The following NRG1 variants were observed in gnomAD, a reference collection of about 807,000 sequenced individuals.
NRG1 encodes the protein pro-neuregulin-1, membrane-bound isoform.
A neutral mutation model predicts 63.8 loss-of-function variants in NRG1; 18 were observed. The ratio of observed to expected loss-of-function variants is 0.28; its 90% confidence interval spans 0.19 to 0.42. NRG1 has a LOEUF of 0.42. Ranked by LOEUF, NRG1 falls within the 10% of genes least tolerant of loss-of-function variation. The pLI is 1.00. For missense variants in NRG1, 762 were observed against 814.7 expected, an observed-to-expected ratio of 0.94 and a Z score of 0.79; for synonymous variants, 302 against 301.3, an observed-to-expected ratio of 1.00 and a Z score of -0.02.
intron 1 of NRG1, among the ~76,000 whole-genome samples, chr8:32,417,582 A>G (rs1383286106): frequency 1.3e-5 from 2 of 152,144 alleles, no homozygotes. Context: ...ATGTTCAAAG[A>G]TCTCATAGAA....
At chr8:31,814,462 G>A (rs888561002) in intron 1 of NRG1, among the ~76,000 whole-genome samples, 1 of 152,036 alleles carries the variant, frequency 6.6e-6, no homozygotes, top group Non-Finnish European at 1.5e-5. Flanking sequence ...GCTAAATTAG[G>A]TAATGCATGT....
intron 1 of NRG1, among the ~76,000 whole-genome samples, chr8:32,564,436 C>T (rs1034825011): frequency 1.2e-4 from 18 of 152,208 alleles, no homozygotes; most frequent in African/African-American, 4.1e-4. Context: ...TTAACACAGA[C>T]AAAACTTATA....
intron 1 of NRG1, among the ~76,000 whole-genome samples, chr8:32,119,358 C>T (rs1320244237): frequency 1.3e-5 from 2 of 152,046 alleles, no homozygotes; most frequent in Non-Finnish European, 2.9e-5. Context: ...AATTCCATAG[C>T]CTGGGTTCTT....
chr8:31,848,434 T>C (rs758899466), intron 1 of NRG1, among the ~76,000 whole-genome samples: 3 of 152,164 alleles, frequency 2.0e-5, no homozygotes, highest in Admixed American at 6.5e-5. Flanking sequence ...CAGGCTCCCA[T>C]TGGTGTGAAT....
chr8:31,879,260 C>T (rs1394163294), intron 1 of NRG1, among the ~76,000 whole-genome samples: 1 of 152,074 alleles, frequency 6.6e-6, no homozygotes, highest in Non-Finnish European at 1.5e-5. Context: ...GTCTTTATTC[C>T]AATGAAAGAT....
chr8:32,027,243 C>T (rs552483567), intron 1 of NRG1, among the ~76,000 whole-genome samples: 1 of 152,068 alleles, frequency 6.6e-6, no homozygotes, highest in East Asian at 1.9e-4. Context: ...GATAATTTTG[C>T]CAAACAATGA....
At chr8:31,872,689 C>T (rs929711493) in intron 1 of NRG1, among the ~76,000 whole-genome samples, 1 of 152,144 alleles carries the variant, frequency 6.6e-6, no homozygotes, top group Admixed American at 6.5e-5. Context: ...TTTATTCAGT[C>T]TTCTGAGATA....
intron 1 of NRG1, among the ~76,000 whole-genome samples, chr8:32,088,975 C>T (rs1828695754): frequency 6.6e-6 from 1 of 152,154 alleles, no homozygotes; most frequent in Non-Finnish European, 1.5e-5. Flanking sequence ...CACTGCCTCC[C>T]ACACATGGCC....
intron 1 of NRG1, among the ~76,000 whole-genome samples, chr8:31,776,754 G>A (rs899122735): frequency 2.0e-5 from 3 of 151,664 alleles, no homozygotes; most frequent in Non-Finnish European, 4.4e-5. Context: ...TGCTCTCATT[G>A]TTCAATTCCC....
At chr8:31,959,801 AT>A (rs1563619657) in intron 1 of NRG1, among the ~76,000 whole-genome samples, 1 of 109,476 alleles carries the variant, frequency 9.1e-6, no homozygotes, top group East Asian at 3.4e-4. Context: ...TTTATTATTT[AT>A]TTATTTATTT....
chr8:32,238,864 A>G (rs538578413), intron 1 of NRG1, among the ~76,000 whole-genome samples: 1 of 152,314 alleles, frequency 6.6e-6, no homozygotes, highest in Admixed American at 6.5e-5. Flanking sequence ...AGCCAAAAAC[A>G]GTGACCAGGC....
intron 1 of NRG1, among the ~76,000 whole-genome samples, chr8:32,393,775 G>C (rs1031315918): frequency 2.0e-5 from 3 of 152,094 alleles, no homozygotes. Flanking sequence ...AAAAATAACT[G>C]TTGGGTACTA....
At chr8:31,872,239 A>C (rs1230492437) in intron 1 of NRG1, among the ~76,000 whole-genome samples, 3 of 152,214 alleles carry the variant, frequency 2.0e-5, no homozygotes, top group Non-Finnish European at 4.4e-5. Flanking sequence ...ATTAGTTCAC[A>C]AGGTTTATTA....
At chr8:32,118,605 A>G (rs1213168976) in intron 1 of NRG1, among the ~76,000 whole-genome samples, 1 of 152,152 alleles carries the variant, frequency 6.6e-6, no homozygotes, top group African/African-American at 2.4e-5. Context: ...GGCATTTCCT[A>G]TGTGCGAGGA....
chr8:32,549,408 T>A (rs923120559), intron 1 of NRG1, among the ~76,000 whole-genome samples: 4 of 152,168 alleles, frequency 2.6e-5, no homozygotes, highest in African/African-American at 9.6e-5. Context: ...AGTCCTGTGC[T>A]ACGGAGACTC....
intron 2 of NRG1, among the ~76,000 whole-genome samples, chr8:32,597,399 A>G (rs1340100937): frequency 6.6e-6 from 1 of 152,094 alleles, no homozygotes; most frequent in African/African-American, 2.4e-5. Context: ...TTTATTAACT[A>G]CACGTTGACT....
chr8:32,291,359 C>T (rs1429617200), intron 1 of NRG1, among the ~76,000 whole-genome samples: 3 of 152,096 alleles, frequency 2.0e-5, no homozygotes, highest in Admixed American at 6.6e-5. Flanking sequence ...AAACCACTGA[C>T]CTGGAACCCT....
chr8:31,682,696 G>A (rs1277570839), intron 1 of NRG1, among the ~76,000 whole-genome samples: 1 of 151,966 alleles, frequency 6.6e-6, no homozygotes, highest in African/African-American at 2.4e-5. Context: ...ATACTGTCCA[G>A]CTATGGAAGC....
At chr8:32,449,719 T>G (rs371334536) in intron 1 of NRG1, among the ~76,000 whole-genome samples, 40 of 152,310 alleles carry the variant, frequency 2.6e-4, no homozygotes, top group African/African-American at 8.9e-4. Context: ...TTGGATATAC[T>G]GGTATTAAAA....
Sources: allele counts gnomAD v4.1 joint callset (sites outside exome capture counted in the v4.1 genomes callset), GRCh38; gene constraint gnomAD v4.1.1; transcripts MANE v1.5; gene names NCBI Gene and HGNC (gene_info 2026-07-23, HGNC 2026-07-21).